HYDIN: variants seen among roughly 807,000 people sequenced by gnomAD.
HYDIN encodes HYDIN axonemal central pair apparatus protein.
In HYDIN, 132 loss-of-function variants were observed where a neutral mutation model predicts 403.9. The ratio of observed to expected loss-of-function variants is 0.33; its 90% CI spans 0.28 to 0.38. The LOEUF (loss-of-function observed/expected upper bound fraction) is 0.38. Ranked by LOEUF, HYDIN falls within the 10% of genes least tolerant of loss-of-function variation. The pLI is 1.00. For synonymous variants in HYDIN, 1,202 were observed against 1,891.7 expected (o/e 0.64, Z 9.46); for missense variants, 2,827 against 5,009.5 (o/e 0.56, Z 13.15).
Position 71,176,367 on chromosome 16 carries a change from A to C in HYDIN, c.382-626T>G, listed in dbSNP as rs370385808. Reference sequence around the variant, plus strand: ...TCTTTAATCAGCTAAAACCTCACCCACATAATGGAGTTAAGCTGGATTTCC... The same window carrying C: ...TCTTTAATCAGCTAAAACCTCACCCCCATAATGGAGTTAAGCTGGATTTCC... On this transcript the variant is annotated intron_variant, in intron 4 of 85. Transcript: ENST00000393567. Among the ~76,000 whole-genome samples, 6 of 151,774 alleles carry C rather than the reference A, an allele frequency of 4.0e-5. No individual in the cohort carries two copies. The East Asian group carries it at 7.7e-4, about 20-fold the overall frequency.
chr16:71,010,970 C>T (rs2080062222), intron 23 of HYDIN, among the ~76,000 whole-genome samples: 1 of 152,218 alleles, frequency 6.6e-6, no homozygotes, highest in Non-Finnish European at 1.5e-5. Flanking sequence ...TAAAGCCTGG[C>T]TTTGGCCTTG....
chr16:70,977,586 C>G (rs560069709), intron 30 of HYDIN, among the ~76,000 whole-genome samples: 2 of 149,770 alleles, frequency 1.3e-5, no homozygotes, highest in Non-Finnish European at 3.0e-5. Flanking sequence ...CCTAAGGGCT[C>G]TCTAGCCACA....
At chr16:70,911,342 A>G (rs1202047224) in intron 47 of HYDIN, among the ~76,000 whole-genome samples, 1 of 151,448 alleles carries the variant, frequency 6.6e-6, no homozygotes, top group Non-Finnish European at 1.5e-5. Flanking sequence ...CTAGCCAATT[A>G]TCCCAGCACT....
intron 23 of HYDIN, among the ~76,000 whole-genome samples, chr16:70,993,202 T>C (rs1166393552): frequency 2.6e-5 from 4 of 152,224 alleles, no homozygotes; most frequent in African/African-American, 9.6e-5. Context: ...TAGAGTATCA[T>C]TTCCTAAATT....
At chr16:71,009,376 T>C (rs1533200) in intron 23 of HYDIN, among the ~76,000 whole-genome samples, 1 of 123,518 alleles carries the variant, frequency 8.1e-6, no homozygotes, top group South Asian at 2.8e-4. Flanking sequence ...ACAAATTCTG[T>C]TTTTCTTTTC....
chr16:71,225,992 A>C (rs2041016491), intron 1 of HYDIN, among the ~76,000 whole-genome samples: 1 of 152,242 alleles, frequency 6.6e-6, no homozygotes, highest in Admixed American at 6.5e-5. Flanking sequence ...TTCTCCCCAA[A>C]TTAATCTATA....
intron 72 of HYDIN, among the ~76,000 whole-genome samples, chr16:70,855,907 T>C: frequency 6.6e-6 from 1 of 152,282 alleles, no homozygotes. Context: ...ATACTCAAAA[T>C]TATTAATTGC....
chr16:71,136,977 T>G (rs534443810), intron 8 of HYDIN, among the ~76,000 whole-genome samples, 174 bp downstream of exon 8: 1 of 149,220 alleles, frequency 6.7e-6, no homozygotes, highest in Admixed American at 6.7e-5. Context: ...TCAGCTCAGA[T>G]CGTTCAAATG....
intron 41 of HYDIN, among the ~76,000 whole-genome samples, chr16:70,947,204 G>A (rs1247311966): frequency 1.3e-5 from 2 of 149,986 alleles, no homozygotes; most frequent in African/African-American, 2.5e-5. Context: ...ATTATTTTGA[G>A]ATACGTCCCA....
At chr16:71,209,177 A>G (rs1484162519) in intron 1 of HYDIN, among the ~76,000 whole-genome samples, 1 of 150,818 alleles carries the variant, frequency 6.6e-6, no homozygotes, top group Non-Finnish European at 1.5e-5. Flanking sequence ...CCAGTAGCAC[A>G]TCAAAAAACT....
chr16:71,014,799 CT>C (rs1036599709), intron 23 of HYDIN, among the ~76,000 whole-genome samples: 2 of 101,868 alleles, frequency 2.0e-5, no homozygotes, highest in East Asian at 3.6e-4. Flanking sequence ...ATGATCCTTG[CT>C]TTAAGCCAGG....
intron 45 of HYDIN, among the ~76,000 whole-genome samples, chr16:70,932,289 AG>A (rs2077366791): frequency 6.6e-6 from 1 of 152,108 alleles, no homozygotes; most frequent in African/African-American, 2.4e-5. Flanking sequence ...TGGGAAGCGG[AG>A]GTTGCAGTGA....
At chr16:70,916,274 C>A (rs948782322) in intron 47 of HYDIN, among the ~76,000 whole-genome samples, 7 of 152,196 alleles carry the variant, frequency 4.6e-5, no homozygotes, top group African/African-American at 1.7e-4. Context: ...TGATGCCAGA[C>A]AGGAATGGCC....
intron 46 of HYDIN, among the ~76,000 whole-genome samples, chr16:70,919,612 G>C (rs113356825): frequency 2.6e-5 from 4 of 152,080 alleles, no homozygotes; most frequent in African/African-American, 9.6e-5. Context: ...AGCACTTTGG[G>C]AGGCTGAGGC....
intron 23 of HYDIN, among the ~76,000 whole-genome samples, chr16:71,004,042 C>T (rs1012614019): frequency 1.3e-4 from 20 of 150,234 alleles, no homozygotes; most frequent in African/African-American, 3.7e-4. Flanking sequence ...TGGCTAGGTG[C>T]GGTGACTCAC....
intron 53 of HYDIN, among the ~76,000 whole-genome samples, chr16:70,899,921 C>T (rs1411833726): frequency 6.6e-6 from 1 of 151,150 alleles, no homozygotes; most frequent in Admixed American, 6.6e-5. Context: ...TGATTGAGGG[C>T]GAGGGTGGAG....
intron 18 of HYDIN, among the ~76,000 whole-genome samples, chr16:71,034,784 A>G (rs2081032244): frequency 6.6e-6 from 1 of 151,570 alleles, no homozygotes; most frequent in South Asian, 2.1e-4. Flanking sequence ...ATAATGAGGA[A>G]ATTTTAATTT....
chr16:70,877,930 A>G (rs1323885669), intron 62 of HYDIN, among the ~76,000 whole-genome samples: 1 of 152,046 alleles, frequency 6.6e-6, no homozygotes, highest in African/African-American at 2.4e-5. Flanking sequence ...AAAATGAAGG[A>G]GAAATAGAGA....
In HYDIN at chr16:70,882,591, G is replaced by A. The variant is rs1006169755; in HGVS notation, c.10215+69C>T. 3.5e-6 allele frequency: 3 copies of A among 865,866 alleles called. No homozygotes were observed. In the African/African-American group the frequency reaches 4.9e-5, roughly 14 times the overall value. The allele number at this position is 865,866 out of a possible 1,614,324, so 53.6% of individuals were successfully genotyped here. On this transcript the variant is annotated intron_variant, in intron 60 of 85. Coordinates refer to ENST00000393567, the MANE Select transcript of HYDIN (RefSeq NM_001270974.2). ...CACGCATACAGGCTCCAGAGCAGAGGATGCTGAGAGCCCTTTTTCCAGCTT... is the reference window on the plus strand; with the variant it reads ...CACGCATACAGGCTCCAGAGCAGAGAATGCTGAGAGCCCTTTTTCCAGCTT...
Sources: gnomAD v4.1 joint callset for allele counts (sites outside exome capture counted in the v4.1 genomes callset) on GRCh38, gnomAD v4.1.1 for gene constraint, MANE v1.5 for transcripts, NCBI Gene and HGNC (gene_info 2026-07-23, HGNC 2026-07-21) for gene names.